GRM8: variants seen among roughly 807,000 people sequenced by gnomAD.
GRM8 encodes the protein metabotropic glutamate receptor 8.
Under a neutral mutation model 87.2 loss-of-function variants are expected in GRM8, and 47 were observed. That is an observed-to-expected ratio of 0.54 (90% CI 0.43 to 0.69). The LOEUF is 0.69. Ranked by LOEUF, GRM8 falls within the 30% of genes least tolerant of loss-of-function variation. The pLI, the probability that GRM8 is intolerant of heterozygous loss-of-function variation, is 0.00. For missense variants in GRM8, 1,019 were observed against 1,139.2 expected (o/e 0.89, Z 1.52); for synonymous variants, 396 against 404.5 (o/e 0.98, Z 0.25).
chr7:127,120,084 T>C (rs1267549203), intron 2 of GRM8, among the ~76,000 whole-genome samples: 3 of 152,196 alleles, frequency 2.0e-5, no homozygotes, highest in African/African-American at 7.2e-5. Context: ...GATCATCTGG[T>C]GCACCAGGGG....
intron 7 of GRM8, among the ~76,000 whole-genome samples, chr7:126,690,795 G>T (rs1808720390): frequency 6.6e-6 from 1 of 152,092 alleles, no homozygotes; most frequent in South Asian, 2.1e-4. Flanking sequence ...CTGCAGGCAG[G>T]GCATCCCATT....
At chr7:126,784,213 A>G (rs763219377) in intron 6 of GRM8, among the ~76,000 whole-genome samples, 10 of 152,192 alleles carry the variant, frequency 6.6e-5, no homozygotes, top group Non-Finnish European at 1.3e-4. Flanking sequence ...CTTGAGAGAT[A>G]ATGCATGACC....
At chr7:126,480,257 C>T (rs866916535) in intron 9 of GRM8, among the ~76,000 whole-genome samples, 16 of 152,064 alleles carry the variant, frequency 1.1e-4, no homozygotes, top group African/African-American at 2.4e-4. Context: ...TGGGGGCGCA[C>T]GCCTGTAGTC....
chr7:127,017,011 T>C (rs1180797445), intron 3 of GRM8, among the ~76,000 whole-genome samples: 1 of 152,108 alleles, frequency 6.6e-6, no homozygotes, highest in Non-Finnish European at 1.5e-5. Flanking sequence ...TATGAAGCAA[T>C]TGTGCTAACT....
chr7:126,674,009 A>G (rs1011932286), intron 7 of GRM8, among the ~76,000 whole-genome samples: 2 of 152,234 alleles, frequency 1.3e-5, no homozygotes, highest in African/African-American at 2.4e-5. Context: ...TAACTGATTC[A>G]GTACAATATA....
chr7:126,768,056 T>C (rs1228727867), intron 7 of GRM8, among the ~76,000 whole-genome samples: 41 of 152,188 alleles, frequency 2.7e-4, no homozygotes, highest in Admixed American at 2.6e-3. Flanking sequence ...ATGGTATTCA[T>C]GGCCTGGCCT....
chr7:126,733,830 G>T (rs536665171), intron 7 of GRM8, among the ~76,000 whole-genome samples: 69 of 151,918 alleles, frequency 4.5e-4, no homozygotes, highest in African/African-American at 1.6e-3. Flanking sequence ...AGAGGATTAG[G>T]GTCAAAACAG....
chr7:126,767,826 G>A (rs1818357173), intron 7 of GRM8, among the ~76,000 whole-genome samples: 1 of 151,982 alleles, frequency 6.6e-6, no homozygotes, highest in Non-Finnish European at 1.5e-5. Flanking sequence ...ATCAGCTACT[G>A]GAACACAACC....
At chr7:126,925,618 T>A (rs1805021575) in intron 3 of GRM8, among the ~76,000 whole-genome samples, 1 of 152,212 alleles carries the variant, frequency 6.6e-6, no homozygotes, top group African/African-American at 2.4e-5. Flanking sequence ...TCCACAAAAA[T>A]CCATAAATTA....
intron 10 of GRM8, among the ~76,000 whole-genome samples, chr7:126,442,981 T>A (rs1194243848): frequency 1.3e-5 from 2 of 151,988 alleles, no homozygotes; most frequent in Non-Finnish European, 2.9e-5. Flanking sequence ...GCAAAATGAA[T>A]CAGAGATGTA....
rs142518831 is a variant in GRM8 at position 126,558,002 on chromosome 7, C to T, written c.1495-24115G>A. Among the ~76,000 whole-genome samples the T allele has an allele frequency of 8.6e-3, 1,307 of 152,188 alleles. 9 individuals are homozygous for T. The highest frequency in any genetic ancestry group is 0.012 in the Non-Finnish European group (820 of 67,984). On this transcript the variant is annotated intron_variant, in intron 8 of 10. Transcript: ENST00000339582. ...GAATTAAAATTAACATAAATTCATA[C>T]TAACATATGGCATCTGTTACTGGAT...
chr7:127,195,356 G>A (rs1226145310), intron 2 of GRM8, among the ~76,000 whole-genome samples: 1 of 152,050 alleles, frequency 6.6e-6, no homozygotes, highest in Non-Finnish European at 1.5e-5. Context: ...AAAAATTCCA[G>A]AGTCTAGATA....
intron 6 of GRM8, among the ~76,000 whole-genome samples, chr7:126,884,177 C>CA (rs1000606114): frequency 3.0e-4 from 46 of 151,934 alleles, no homozygotes; most frequent in African/African-American, 1.0e-3. Context: ...AAAAACAAAA[C>CA]AAAAAACTAT....
intron 6 of GRM8, among the ~76,000 whole-genome samples, chr7:126,824,855 C>T (rs569489258): frequency 5.2e-4 from 79 of 152,264 alleles, no homozygotes; most frequent in African/African-American, 1.9e-3. Flanking sequence ...GCTCTTTCCT[C>T]CCTAACTCAT....
At chr7:126,862,653 T>C (rs985667553) in intron 6 of GRM8, among the ~76,000 whole-genome samples, 6 of 152,064 alleles carry the variant, frequency 3.9e-5, no homozygotes, top group Admixed American at 6.6e-5. Flanking sequence ...AATTATAATA[T>C]TAGTATATTT....
At chr7:126,466,506 G>A (rs1476686949) in intron 9 of GRM8, among the ~76,000 whole-genome samples, 1 of 151,796 alleles carries the variant, frequency 6.6e-6, no homozygotes, top group East Asian at 1.9e-4. Flanking sequence ...ATATATTATG[G>A]AAATTGGCTC....
intron 6 of GRM8, among the ~76,000 whole-genome samples, chr7:126,855,300 A>AAT (rs1797573384): frequency 6.6e-6 from 1 of 152,092 alleles, no homozygotes; most frequent in Non-Finnish European, 1.5e-5. Flanking sequence ...ACATTGTGCT[A>AAT]GCTAACTTGC....
At chr7:126,857,770 AG>A (rs1363488799) in intron 6 of GRM8, among the ~76,000 whole-genome samples, 1 of 152,188 alleles carries the variant, frequency 6.6e-6, no homozygotes, top group African/African-American at 2.4e-5. Flanking sequence ...GATGTTTACT[AG>A]GTACCTAAAA....
intron 3 of GRM8, among the ~76,000 whole-genome samples, chr7:127,010,936 G>A (rs968928479): frequency 2.1e-4 from 32 of 152,086 alleles, no homozygotes; most frequent in Non-Finnish European, 2.5e-4. Context: ...GGAGGGAGAA[G>A]AGGAAGAGAA....
Sources: gnomAD v4.1 joint callset for allele counts (sites outside exome capture counted in the v4.1 genomes callset) on GRCh38, gnomAD v4.1.1 for gene constraint, MANE v1.5 for transcripts, NCBI Gene and HGNC (gene_info 2026-07-23, HGNC 2026-07-21) for gene names.